The following ATP9A variants were observed in gnomAD, a reference collection of about 807,000 sequenced individuals.
The protein encoded by ATP9A is ATPase phospholipid transporting 9A.
In ATP9A, 52 loss-of-function variants were observed where a neutral mutation model predicts 144.1. The observed-to-expected ratio is 0.36, with a 90% confidence interval of 0.29 to 0.45. The LOEUF is 0.45. Among genes scored for constraint, ATP9A ranks in the 20% least tolerant of loss-of-function variants. The pLI, the probability that ATP9A is intolerant of heterozygous loss-of-function variation, is 1.00. For synonymous variants in ATP9A, 582 were observed against 557.4 expected, an observed-to-expected ratio of 1.04 and a Z score of -0.62; for missense variants, 947 against 1,392.7, an observed-to-expected ratio of 0.68 and a Z score of 5.09.
intron 22 of ATP9A, among the ~76,000 whole-genome samples, chr20:51,616,910 T>C (rs1021015936): frequency 6.6e-6 from 1 of 151,812 alleles, no homozygotes; most frequent in African/African-American, 2.4e-5. Context: ...GTCTGAAGTA[T>C]ACTTACCATA....
intron 23 of ATP9A, among the ~76,000 whole-genome samples, chr20:51,612,626 C>G (rs903415249): frequency 6.6e-6 from 1 of 152,084 alleles, no homozygotes; most frequent in African/African-American, 2.4e-5. Context: ...GATTTCACCA[C>G]GTTCACCAGA....
In ATP9A at chr20:51,599,858, C is replaced by T. The variant is rs528771611; in HGVS notation, c.*1353G>A. 6.6e-6 allele frequency: 1 copy of T among 152,218 alleles called. No individual in the cohort carries two copies. The highest frequency in any genetic ancestry group is 6.5e-5 in the Admixed American group (1 of 15,282). The allele number at this position is 152,218 out of a possible 1,614,324, so 9.4% of individuals were successfully genotyped here. A position where few individuals can be genotyped will look rare whatever the true frequency, so the allele number is the denominator to read the frequency against. On this transcript the variant is annotated 3_prime_UTR_variant, in exon 28 of 28. Coordinates refer to ENST00000338821, the MANE Select transcript of ATP9A (RefSeq NM_006045.3). ...ACCACACTTGGCTCTTAAAGATCCACCAACTTAACCCTTATGGCATGCATA... is the reference window on the plus strand; with the variant it reads ...ACCACACTTGGCTCTTAAAGATCCATCAACTTAACCCTTATGGCATGCATA...
chr20:51,723,745 C>T (rs2077700071), intron 3 of ATP9A, among the ~76,000 whole-genome samples: 1 of 151,684 alleles, frequency 6.6e-6, no homozygotes, highest in Admixed American at 6.6e-5. Flanking sequence ...TTAATAGAGA[C>T]AGGGTTTCAC....
At chr20:51,715,971 A>C (rs1221964937) in intron 3 of ATP9A, among the ~76,000 whole-genome samples, 1 of 151,724 alleles carries the variant, frequency 6.6e-6, no homozygotes, top group African/African-American at 2.4e-5. Context: ...AAATTCACTA[A>C]AGCAAAGCTA....
At chr20:51,642,494 A>G (rs1053933220) in intron 14 of ATP9A, among the ~76,000 whole-genome samples, 1 of 151,834 alleles carries the variant, frequency 6.6e-6, no homozygotes, top group Non-Finnish European at 1.5e-5. Context: ...AGATTTTCTT[A>G]CAGTTCTATA....
intron 1 of ATP9A, among the ~76,000 whole-genome samples, chr20:51,762,694 T>C (rs890572233): frequency 5.2e-5 from 7 of 134,188 alleles, no homozygotes; most frequent in Admixed American, 7.7e-5. Context: ...AGGTGATATA[T>C]CCACAAATGG....
intron 1 of ATP9A, among the ~76,000 whole-genome samples, chr20:51,763,287 GT>G (rs201691075): frequency 6.0e-5 from 9 of 148,954 alleles, no homozygotes; most frequent in African/African-American, 1.2e-4. Flanking sequence ...CATACACCTG[GT>G]TTTTTTTTAA....
At chr20:51,618,319 T>A (rs6021325) in intron 21 of ATP9A, among the ~76,000 whole-genome samples, 2 of 151,576 alleles carry the variant, frequency 1.3e-5, no homozygotes, top group East Asian at 3.9e-4. Flanking sequence ...GAGGCTCAGA[T>A]GGGTGAAAGA....
chr20:51,712,646 C>T (rs1475293437), intron 4 of ATP9A, among the ~76,000 whole-genome samples: 16 of 152,234 alleles, frequency 1.1e-4, no homozygotes, highest in African/African-American at 2.4e-5. Flanking sequence ...CTACTTCCCT[C>T]TTCAGCCAGG....
chr20:51,676,344 T>C (rs1424599507), intron 9 of ATP9A, 136 bp from the exon 10 acceptor site: 2 of 646,088 alleles, frequency 3.1e-6, no homozygotes, highest in Non-Finnish European at 5.0e-6. Flanking sequence ...GCTCTGTTGC[T>C]CATGCTGGAG....
At chr20:51,762,052 C>A (rs987685730) in intron 1 of ATP9A, among the ~76,000 whole-genome samples, 112 of 152,078 alleles carry the variant, frequency 7.4e-4, no homozygotes, top group African/African-American at 2.6e-3. Context: ...CTGTCTTTCG[C>A]TTTTAAGGAC....
At chr20:51,667,342 C>G (rs2077436998) in intron 13 of ATP9A, among the ~76,000 whole-genome samples, 1 of 152,224 alleles carries the variant, frequency 6.6e-6, no homozygotes, top group Admixed American at 6.5e-5. Flanking sequence ...TACACACCAC[C>G]ACCTGTGAAG....
At chr20:51,656,883 C>G in intron 14 of ATP9A, 55 bp downstream of exon 14, 1 of 1,532,498 alleles carries the variant, frequency 6.5e-7, no homozygotes, top group Non-Finnish European at 8.9e-7. Flanking sequence ...CTAATTCCAG[C>G]ACAGAGAAAA....
intron 1 of ATP9A, among the ~76,000 whole-genome samples, chr20:51,743,505 T>C (rs1265308948): frequency 6.8e-6 from 1 of 147,850 alleles, no homozygotes; most frequent in East Asian, 2.1e-4. Flanking sequence ...ATTCAAGCGA[T>C]TCTACTCCCT....
At chr20:51,624,691 C>T (rs555523906) in intron 18 of ATP9A, among the ~76,000 whole-genome samples, 8 of 152,052 alleles carry the variant, frequency 5.3e-5, no homozygotes, top group Non-Finnish European at 1.0e-4. Context: ...AAGGCAAACG[C>T]TACACAAGAT....
chr20:51,752,066 AC>A (rs1319884903), intron 1 of ATP9A, among the ~76,000 whole-genome samples: 1 of 146,140 alleles, frequency 6.8e-6, no homozygotes, highest in Non-Finnish European at 1.5e-5. Context: ...AAAAAAAAAA[AC>A]AAGAAAAAAA....
rs113719960 is a variant in ATP9A at position 51,687,775 on chromosome 20, A to ATGAATG, written c.799+1288_799+1289insCATTCA. Among the ~76,000 whole-genome samples the ATGAATG allele has an allele frequency of 3.8e-4, 56 of 147,558 alleles. 2 individuals are homozygous for ATGAATG. The East Asian group carries it at 5.5e-3, about 14-fold the overall frequency. On this transcript the variant is annotated intron_variant, in intron 9 of 27. Transcript: ENST00000338821. Reference sequence around the variant, plus strand: ...TGAGACCCTGTCTCAAAAAAAAAAAAAATGAATGAATGAATGAATGAATGA... The same window carrying ATGAATG: ...TGAGACCCTGTCTCAAAAAAAAAAAATGAATGAATGAATGAATGAATGAATGAATGA...
intron 25 of ATP9A, among the ~76,000 whole-genome samples, chr20:51,608,301 C>A (rs771060147): frequency 2.4e-4 from 37 of 152,208 alleles, no homozygotes; most frequent in Middle Eastern, 6.8e-3. Context: ...TACTTTTTCA[C>A]GTTCTTTATA....
At chr20:51,638,422 G>GACTGAACCAAGGA (rs1209191159) in intron 15 of ATP9A, among the ~76,000 whole-genome samples, 1 of 151,942 alleles carries the variant, frequency 6.6e-6, no homozygotes, top group Non-Finnish European at 1.5e-5. Context: ...ATAGGTGTGG[G>GACTGAACCAAGGA]ACTGAACCAA....
Sources: gnomAD v4.1 joint callset for allele counts (sites outside exome capture counted in the v4.1 genomes callset) on GRCh38, gnomAD v4.1.1 for gene constraint, MANE v1.5 for transcripts, NCBI Gene and HGNC (gene_info 2026-07-23, HGNC 2026-07-21) for gene names.